LRRC7: variants seen among roughly 807,000 people sequenced by gnomAD.
LRRC7 encodes leucine-rich repeat-containing protein 7.
A neutral mutation model predicts 175.7 loss-of-function variants in LRRC7; 23 were observed. That is an observed-to-expected ratio of 0.13 (90% CI 0.09 to 0.19). The LOEUF (loss-of-function observed/expected upper bound fraction) is 0.19, where lower values mean the gene tolerates loss of function less well. Ranked by LOEUF, LRRC7 falls within the 10% of genes least tolerant of loss-of-function variation. The pLI, the probability that LRRC7 is intolerant of heterozygous loss-of-function variation, is 1.00. For synonymous variants in LRRC7, 685 were observed against 680.9 expected (o/e 1.01, Z -0.09); for missense variants, 1,354 against 1,904.7 (o/e 0.71, Z 5.38).
chr1:69,742,138 T>C (rs549362411), intron 2 of LRRC7, among the ~76,000 whole-genome samples: 1 of 152,102 alleles, frequency 6.6e-6, no homozygotes, highest in East Asian at 1.9e-4. Context: ...AGGTTATAAA[T>C]TGAATAAAGT....
chr1:70,000,823 G>C (rs1655452624), intron 11 of LRRC7, among the ~76,000 whole-genome samples: 1 of 152,142 alleles, frequency 6.6e-6, no homozygotes, highest in Admixed American at 6.5e-5. Context: ...CCTGGGTTCT[G>C]CCCTTGTCAC....
At chr1:69,792,870 C>T (rs1247537933) in intron 4 of LRRC7, among the ~76,000 whole-genome samples, 1 of 151,994 alleles carries the variant, frequency 6.6e-6, no homozygotes, top group African/African-American at 2.4e-5. Flanking sequence ...TGACTTAGAG[C>T]TTCAGAAAGT....
intron 7 of LRRC7, among the ~76,000 whole-genome samples, chr1:69,841,237 A>G (rs376617425): frequency 1.3e-5 from 2 of 151,738 alleles, no homozygotes; most frequent in African/African-American, 4.8e-5. Context: ...CTATAGGGCT[A>G]CTCTCAATGT....
chr1:69,741,051 T>A (rs191681944), intron 2 of LRRC7, among the ~76,000 whole-genome samples: 382 of 152,102 alleles, frequency 2.5e-3, no homozygotes, highest in Admixed American at 3.5e-3. Context: ...GGAACTGCAA[T>A]GACCAAAGGC....
rs568444413 is a variant in LRRC7 at position 69,741,945 on chromosome 1, A to G, written c.101-18246A>G. ...TCACCACATTTCAAAATGAACTTCC[A>G]TCGTGTGTGTAAGCCCATATAAATT... On this transcript the variant is annotated intron_variant, in intron 2 of 26. Coordinates refer to ENST00000651989, the MANE Select transcript of LRRC7 (RefSeq NM_001370785.2). 8.5e-5 allele frequency among the ~76,000 whole-genome samples: 13 copies of G among 152,108 alleles called. No homozygotes were observed. In the East Asian group the frequency reaches 1.4e-3, roughly 16 times the overall value.
intron 7 of LRRC7, among the ~76,000 whole-genome samples, chr1:69,888,824 T>C (rs1570519471): frequency 6.6e-6 from 1 of 152,234 alleles, no homozygotes; most frequent in Non-Finnish European, 1.5e-5. Flanking sequence ...CTTGCAGTTG[T>C]AAAATGGATA....
intron 2 of LRRC7, among the ~76,000 whole-genome samples, chr1:69,717,969 GAAAGAGAA>G (rs138058416): frequency 0.054 from 5,166 of 96,362 alleles, 305 homozygotes; most frequent in Admixed American, 0.13. Flanking sequence ...GAAAAAGAAA[GAAAGAGAA>G]AGAAAGAGGA....
At chr1:69,610,775 T>C (rs1648600313) in intron 1 of LRRC7, among the ~76,000 whole-genome samples, 1 of 151,920 alleles carries the variant, frequency 6.6e-6, no homozygotes, top group Admixed American at 6.6e-5. Flanking sequence ...CAAAAATATT[T>C]CACAAACATA....
chr1:69,674,214 A>C (rs1353159900), intron 1 of LRRC7, among the ~76,000 whole-genome samples: 1 of 152,132 alleles, frequency 6.6e-6, no homozygotes, highest in Non-Finnish European at 1.5e-5. Flanking sequence ...ATATATTTGA[A>C]TCTCAGGTAT....
At chr1:69,593,351 C>T (rs565690832) in intron 1 of LRRC7, among the ~76,000 whole-genome samples, 1 of 152,162 alleles carries the variant, frequency 6.6e-6, no homozygotes, top group Non-Finnish European at 1.5e-5. Flanking sequence ...GGACATGTAA[C>T]ACATGCTTTG....
At chr1:69,807,700 C>G (rs957745942) in intron 4 of LRRC7, among the ~76,000 whole-genome samples, 5 of 152,048 alleles carry the variant, frequency 3.3e-5, no homozygotes, top group Non-Finnish European at 7.4e-5. Flanking sequence ...TTGTGGGTAA[C>G]CCGAACTTTC....
chr1:70,036,596 G>T lies in LRRC7; in HGVS notation c.2260G>T (p.Ala754Ser). The change falls in exon 20 of 27, where the codon GCA (alanine) becomes TCA (serine). Residue 754 changes from alanine to serine, a missense_variant. Physicochemically the swap from Ala to Ser is moderately conservative, Grantham distance 99 (BLOSUM62 1). Around this residue, in one of 4 missense-constraint regions of LRRC7, gnomAD observed 1,032 missense variants for 1,227.2 expected, o/e 0.84. Transcript: ENST00000651989. ...VGSLQTTAKD[A>S]VHNSLWGNRI... ...GTCCTTGCAGACAACAGCTAAAGAT[G>T]CAGTACATAATTCTTTGTGGGGTAA... 1 of 1,613,700 alleles carries T rather than the reference G, an allele frequency of 6.2e-7. No individual in the cohort carries two copies.
At chr1:69,775,912 G>A (rs1672756819) in intron 3 of LRRC7, among the ~76,000 whole-genome samples, 1 of 152,166 alleles carries the variant, frequency 6.6e-6, no homozygotes, top group East Asian at 1.9e-4. Context: ...GGAAAGAAAA[G>A]AAGCAAAGGA....
chr1:69,691,797 CAAAAAAAAA>C (rs57676937), intron 2 of LRRC7, among the ~76,000 whole-genome samples: 8 of 85,198 alleles, frequency 9.4e-5, no homozygotes, highest in African/African-American at 4.0e-4. Flanking sequence ...GACCCTGTCT[CAAAAAAAAA>C]AAAAAAAAAA....
chr1:69,909,468 G>C (rs1162794163), intron 7 of LRRC7, among the ~76,000 whole-genome samples: 1 of 152,048 alleles, frequency 6.6e-6, no homozygotes, highest in Non-Finnish European at 1.5e-5. Flanking sequence ...CAGGCCTGGG[G>C]GTGACAAAAT....
At chr1:69,834,711 T>C (rs1406340029) in intron 5 of LRRC7, 69 bp from the exon 6 acceptor site, 3 of 1,105,076 alleles carry the variant, frequency 2.7e-6, no homozygotes, top group South Asian at 1.3e-5. Context: ...TCCTCAGAGA[T>C]ACATATTTTT....
chr1:69,919,580 A>G (rs1646820193), intron 7 of LRRC7: 1 of 804,588 alleles, frequency 1.2e-6, no homozygotes, highest in South Asian at 1.4e-5. Flanking sequence ...GCGGCAGGAA[A>G]TCACCCGGAC....
chr1:69,678,346 G>A (rs772445134), intron 1 of LRRC7, 35 bp from the exon 2 acceptor site: 47 of 1,400,994 alleles, frequency 3.4e-5, no homozygotes, highest in Middle Eastern at 3.5e-4. Flanking sequence ...CCAAAAAAAA[G>A]AGTATGAAAA....
At chr1:70,032,896 G>A (rs1221230691) in intron 18 of LRRC7, among the ~76,000 whole-genome samples, 1 of 152,026 alleles carries the variant, frequency 6.6e-6, no homozygotes, top group East Asian at 1.9e-4. Context: ...CTCCTCACCA[G>A]AAAGAAAATA....
Sources: allele counts gnomAD v4.1 joint callset (sites outside exome capture counted in the v4.1 genomes callset), GRCh38; gene constraint gnomAD v4.1.1; regional missense constraint gnomAD v4.1.1; transcripts MANE v1.5; gene names NCBI Gene and HGNC (gene_info 2026-07-23, HGNC 2026-07-21).